Variants in RNF13 observed in about 807,000 individuals in gnomAD.
The protein encoded by RNF13 is ring finger protein 13, also known as E3 ubiquitin-protein ligase RNF13.
Under a neutral mutation model 37.7 loss-of-function variants are expected in RNF13, and 19 were observed. That is an observed-to-expected ratio of 0.50 (90% CI 0.35 to 0.74). The LOEUF (loss-of-function observed/expected upper bound fraction) is 0.74, where lower values mean the gene tolerates loss of function less well. Among genes scored for constraint, RNF13 ranks in the 30% least tolerant of loss-of-function variants. The pLI is 0.01. For missense variants in RNF13, 375 were observed against 453.0 expected (o/e 0.83, Z 1.56); for synonymous variants, 144 against 157.8 (o/e 0.91, Z 0.65).
intron 3 of RNF13, among the ~76,000 whole-genome samples, chr3:149,856,133 C>G (rs115820360): frequency 6.8e-6 from 1 of 147,844 alleles, no homozygotes; most frequent in South Asian, 2.1e-4. Flanking sequence ...AAAAAAAAAA[C>G]GGTGTTAGAT....
intron 3 of RNF13, among the ~76,000 whole-genome samples, chr3:149,862,039 T>G (rs1050139712): frequency 2.6e-5 from 4 of 152,156 alleles, no homozygotes; most frequent in Non-Finnish European, 4.4e-5. Flanking sequence ...TGCCTTCATT[T>G]TATGCACTTA....
chr3:149,869,644 G>A (rs1439815108), intron 3 of RNF13, among the ~76,000 whole-genome samples: 4 of 151,684 alleles, frequency 2.6e-5, no homozygotes, highest in Non-Finnish European at 5.9e-5. Context: ...ATCTTGTTAG[G>A]GTTGCTTGTT....
chr3:149,939,030 TC>T, intron 8 of RNF13: 1 of 487,622 alleles, frequency 2.1e-6, no homozygotes, highest in Non-Finnish European at 4.0e-6. Context: ...TTGAATAACC[TC>T]CTGGTCAGTC....
At chr3:149,875,067 T>A (rs892544402) in intron 4 of RNF13, among the ~76,000 whole-genome samples, 7 of 152,156 alleles carry the variant, frequency 4.6e-5, no homozygotes, top group Admixed American at 1.3e-4. Flanking sequence ...GTATGATGCA[T>A]TGACTTAAGA....
At chr3:149,897,040 C>G (rs146291175) in intron 5 of RNF13, among the ~76,000 whole-genome samples, 4 of 152,132 alleles carry the variant, frequency 2.6e-5, no homozygotes, top group African/African-American at 9.7e-5. Context: ...AATGTTAGTA[C>G]TGCCAATTTG....
At chr3:149,841,440 A>G (rs997641338) in intron 1 of RNF13, among the ~76,000 whole-genome samples, 9 of 152,160 alleles carry the variant, frequency 5.9e-5, no homozygotes, top group African/African-American at 1.4e-4. Context: ...TAAGATTTGT[A>G]GTTTTCCCCC....
chr3:149,901,508 G>A (rs1196977480), intron 5 of RNF13, among the ~76,000 whole-genome samples: 2 of 152,118 alleles, frequency 1.3e-5, no homozygotes, highest in Non-Finnish European at 2.9e-5. Context: ...ACTTTGCCAT[G>A]AGCGCCAGGC....
intron 1 of RNF13, among the ~76,000 whole-genome samples, chr3:149,832,799 C>A (rs1721193088): frequency 6.6e-6 from 1 of 151,948 alleles, no homozygotes; most frequent in Non-Finnish European, 1.5e-5. Flanking sequence ...GGATGAATAC[C>A]TGGAAAGACA....
chr3:149,858,090 C>T (rs1033274626), intron 3 of RNF13, among the ~76,000 whole-genome samples: 1 of 152,216 alleles, frequency 6.6e-6, no homozygotes, highest in Non-Finnish European at 1.5e-5. Flanking sequence ...TCCCTCTTCA[C>T]ATATGCCCAC....
intron 8 of RNF13, among the ~76,000 whole-genome samples, chr3:149,932,760 C>T (rs1719289355): frequency 6.6e-6 from 1 of 152,210 alleles, no homozygotes; most frequent in Non-Finnish European, 1.5e-5. Flanking sequence ...GTGTCTGTGC[C>T]TTTTCAATGC....
chr3:149,927,335 G>A (rs939713163), intron 8 of RNF13, among the ~76,000 whole-genome samples: 1 of 152,128 alleles, frequency 6.6e-6, no homozygotes, highest in African/African-American at 2.4e-5. Flanking sequence ...TTTCTCTGGC[G>A]GAATAATAGT....
At chr3:149,945,330 C>G (rs899547165) in intron 8 of RNF13, among the ~76,000 whole-genome samples, 4 of 151,944 alleles carry the variant, frequency 2.6e-5, no homozygotes, top group Non-Finnish European at 4.4e-5. Flanking sequence ...GCACAGCAGT[C>G]TGAGATCGAA....
At chr3:149,824,132 G>A (rs1720253326) in intron 1 of RNF13, among the ~76,000 whole-genome samples, 1 of 152,182 alleles carries the variant, frequency 6.6e-6, no homozygotes, top group African/African-American at 2.4e-5. Context: ...TAATACAATA[G>A]CAGATTATAA....
chr3:149,895,689 T>G lies in RNF13; in HGVS notation c.409+129T>G. ...TTCTTCTCTATCAGATAATCCCTCATTCTTAACTCTGGATGATTTTATTCA... is the reference window on the plus strand; with the variant it reads ...TTCTTCTCTATCAGATAATCCCTCAGTCTTAACTCTGGATGATTTTATTCA... On this transcript the variant is annotated intron_variant, in intron 5 of 9. Coordinates refer to ENST00000392894, the MANE Select transcript of RNF13 (RefSeq NM_183381.3). The G allele has an allele frequency of 5.6e-6, 3 of 535,442 alleles. No individual in the cohort carries two copies. In the South Asian group the frequency reaches 9.5e-5, roughly 17 times the overall value. 33.2% of individuals were successfully genotyped at this position (535,442 alleles called of 1,614,324 possible). A position where few individuals can be genotyped will look rare whatever the true frequency, so the allele number is the denominator to read the frequency against.
intron 3 of RNF13, among the ~76,000 whole-genome samples, chr3:149,870,660 A>G (rs1711928357): frequency 6.6e-6 from 1 of 151,978 alleles, no homozygotes; most frequent in Non-Finnish European, 1.5e-5. Context: ...GCAAATATTC[A>G]TCATTGGAAG....
chr3:149,959,153 G>A (rs1722144904), intron 8 of RNF13, among the ~76,000 whole-genome samples: 1 of 152,072 alleles, frequency 6.6e-6, no homozygotes, highest in Admixed American at 6.5e-5. Context: ...TCATGTAGTG[G>A]AAAAAAACTC....
chr3:149,815,732 C>T (rs901238306), intron 1 of RNF13, among the ~76,000 whole-genome samples: 1 of 152,146 alleles, frequency 6.6e-6, no homozygotes, highest in Non-Finnish European at 1.5e-5. Flanking sequence ...TTGGGAACAA[C>T]ACAGCATATG....
chr3:149,863,040 G>A (rs879723885), intron 3 of RNF13, among the ~76,000 whole-genome samples: 36 of 152,130 alleles, frequency 2.4e-4, no homozygotes, highest in Non-Finnish European at 3.8e-4. Flanking sequence ...CCTTATTAAG[G>A]TATTGTAATT....
intron 8 of RNF13, among the ~76,000 whole-genome samples, chr3:149,928,673 T>A (rs1718888040): frequency 1.3e-5 from 2 of 152,188 alleles, no homozygotes; most frequent in Admixed American, 1.3e-4. Context: ...CCATAATAAC[T>A]TGAGAATAAT....
Sources: allele counts gnomAD v4.1 joint callset (sites outside exome capture counted in the v4.1 genomes callset), GRCh38; gene constraint gnomAD v4.1.1; transcripts MANE v1.5; gene names NCBI Gene and HGNC (gene_info 2026-07-23, HGNC 2026-07-21).